Variants in RAB11FIP3 observed in about 807,000 individuals in gnomAD.
RAB11FIP3 encodes rab11 family-interacting protein 3.
RAB11FIP3 carries 17 observed loss-of-function variants against 77.8 expected under a neutral mutation model. The ratio of observed to expected loss-of-function variants is 0.22; its 90% CI spans 0.15 to 0.33. The LOEUF is 0.33. RAB11FIP3 is among the 10% of genes least tolerant of loss of function. The probability of loss-of-function intolerance (pLI) is 1.00; values close to 1 mark genes in which losing one functional copy is unlikely to be tolerated. For missense variants in RAB11FIP3, 1,005 were observed against 1,011.2 expected (o/e 0.99, Z 0.08); for synonymous variants, 437 against 448.2 (o/e 0.98, Z 0.31).
At position 499,330 on chromosome 16, in the gene RAB11FIP3, C is replaced by G. The variant is rs183406042; in HGVS notation, c.1301+2471C>G. Among the ~76,000 whole-genome samples, 125 of 152,336 alleles carry G rather than the reference C, an allele frequency of 8.2e-4. 2 individuals carry two copies. Among genetic ancestry groups the G allele is most frequent in the African/African-American group, 2.7e-3 (114 of 41,580 alleles). On this transcript the variant is annotated intron_variant, in intron 6 of 13. Transcript: ENST00000262305. The stretch of plus-strand genomic sequence containing the variant: ...TCCCCGCTTCATCAAGTCTTTTACT[C>G]CAGACAGGCTGCAGCTGGTGACATG...
Position 472,139 on chromosome 16 carries a change from C to T in RAB11FIP3, c.903+750C>T, listed in dbSNP as rs187085887. ...GTCAGTCCTCTGAGCCCTGACTCCTCGAAAGCTGAGGCTGGCACAGGGTAG... is the reference window on the plus strand; with the variant it reads ...GTCAGTCCTCTGAGCCCTGACTCCTTGAAAGCTGAGGCTGGCACAGGGTAG... On this transcript the variant is annotated intron_variant, in intron 3 of 13. Transcript: ENST00000262305. The surrounding 1 kb of genome is among the most constrained non-coding windows in gnomAD (Gnocchi z 4.1). 1.4e-3 allele frequency among the ~76,000 whole-genome samples: 218 copies of T among 152,306 alleles called. No individual in the cohort carries two copies. Among genetic ancestry groups the T allele is most frequent in the African/African-American group, 4.8e-3 (200 of 41,570 alleles).
intron 7 of RAB11FIP3, among the ~76,000 whole-genome samples, chr16:503,608 G>A (rs563584226): frequency 1.0e-3 from 157 of 152,202 alleles, no homozygotes; most frequent in African/African-American, 3.5e-3. Context: ...AGCCAGATGT[G>A]GTGGCTCACG....
chr16:490,579 C>T (rs2030087690), intron 5 of RAB11FIP3, among the ~76,000 whole-genome samples: 1 of 152,194 alleles, frequency 6.6e-6, no homozygotes, highest in Non-Finnish European at 1.5e-5. Context: ...TCAAGCGATC[C>T]ACCCAAAGTG....
At chr16:501,657 A>C (rs2031531397) in intron 6 of RAB11FIP3, among the ~76,000 whole-genome samples, 1 of 143,590 alleles carries the variant, frequency 7.0e-6, no homozygotes, top group Non-Finnish European at 1.5e-5. Context: ...TTTCACAGAC[A>C]AGTTCAGAGA....
intron 2 of RAB11FIP3, among the ~76,000 whole-genome samples, chr16:467,006 T>C (rs1019398722): frequency 7.2e-5 from 11 of 152,190 alleles, no homozygotes; most frequent in African/African-American, 2.2e-4. Flanking sequence ...TGGGGACACA[T>C]GGGGCAACGG....
At chr16:454,598 C>CA (rs1361291027) in intron 1 of RAB11FIP3, among the ~76,000 whole-genome samples, 1 of 151,744 alleles carries the variant, frequency 6.6e-6, no homozygotes, top group Admixed American at 6.6e-5. Context: ...AAGCAAAAAC[C>CA]AAAAAAACCC....
At chr16:498,015 A>G (rs1456207335) in intron 6 of RAB11FIP3, among the ~76,000 whole-genome samples, 1 of 151,618 alleles carries the variant, frequency 6.6e-6, no homozygotes, top group African/African-American at 2.4e-5. Context: ...TGCGTTGCCC[A>G]GGCTGTAGTG....
At chr16:434,212 C>T (rs746514804) in intron 1 of RAB11FIP3, among the ~76,000 whole-genome samples, 3 of 152,182 alleles carry the variant, frequency 2.0e-5, no homozygotes, top group Non-Finnish European at 2.9e-5. Context: ...ACCTTCGCCT[C>T]CTGGGTTCAA....
chr16:479,300 G>C (rs2055985399), intron 3 of RAB11FIP3, among the ~76,000 whole-genome samples: 1 of 152,052 alleles, frequency 6.6e-6, no homozygotes, highest in East Asian at 1.9e-4. Flanking sequence ...GCTGAGGTAG[G>C]AGGATTGCTT....
At chr16:456,686 G>A (rs2055509654) in intron 1 of RAB11FIP3, among the ~76,000 whole-genome samples, 1 of 152,142 alleles carries the variant, frequency 6.6e-6, no homozygotes, top group Non-Finnish European at 1.5e-5. Context: ...CAAACCAGAA[G>A]GCGGAGGTTG....
chr16:475,188 AG>A (rs1276148055), intron 3 of RAB11FIP3: 1 of 1,409,030 alleles, frequency 7.1e-7, no homozygotes, highest in African/African-American at 1.4e-5. Flanking sequence ...TGACGGGGAC[AG>A]TGTTGGCCCC....
intron 1 of RAB11FIP3, among the ~76,000 whole-genome samples, chr16:457,902 A>G (rs903784215): frequency 3.3e-5 from 5 of 152,156 alleles, no homozygotes; most frequent in African/African-American, 1.2e-4. Context: ...TGAGCTTAGG[A>G]ATGAGGACTT....
intron 3 of RAB11FIP3, among the ~76,000 whole-genome samples, chr16:479,516 A>T (rs1340733318): frequency 6.6e-6 from 1 of 151,990 alleles, no homozygotes; most frequent in Non-Finnish European, 1.5e-5. Flanking sequence ...ACAGAGTGAG[A>T]CCCTGATTCA....
chr16:457,669 C>G (rs1012198890), intron 1 of RAB11FIP3, among the ~76,000 whole-genome samples: 1 of 152,152 alleles, frequency 6.6e-6, no homozygotes, highest in Non-Finnish European at 1.5e-5. Context: ...TTGATTCACT[C>G]TTGTTCATTC....
chr16:431,328 C>A (rs914043748), intron 1 of RAB11FIP3, among the ~76,000 whole-genome samples: 1 of 151,886 alleles, frequency 6.6e-6, no homozygotes, highest in African/African-American at 2.4e-5. Flanking sequence ...ACCAATAATC[C>A]CACTATCCTG....
At chr16:469,637 G>A (rs959232345) in intron 2 of RAB11FIP3, among the ~76,000 whole-genome samples, 1 of 147,628 alleles carries the variant, frequency 6.8e-6, no homozygotes, top group Non-Finnish European at 1.5e-5. Context: ...TGATCCGCCC[G>A]CCTCGGCCTC....
Position 426,271 on chromosome 16 carries a change from G to A in RAB11FIP3, c.265G>A (p.Ala89Thr). The A allele has an allele frequency of 2.5e-6, 3 of 1,202,040 alleles. No individual in the cohort carries two copies. The highest frequency in any genetic ancestry group is 4.5e-5 in the Admixed American group (1 of 22,206). 74.5% of individuals were successfully genotyped at this position (1,202,040 alleles called of 1,614,324 possible). The change falls in exon 1 of 14, where the codon GCC becomes ACC. Residue 89 changes from alanine to threonine, a missense_variant. This residue lies in a region of RAB11FIP3 where 466 missense variants were observed against 408.3 expected (regional missense o/e 1.14). Coordinates refer to ENST00000262305, the MANE Select transcript of RAB11FIP3 (RefSeq NM_014700.4). The surrounding 1 kb of genome is among the most constrained non-coding windows in gnomAD (Gnocchi z 5.0). ...EGGPRDPGPSAPPPRSGPRGQ... is the reference protein window; with the variant it reads ...EGGPRDPGPSTPPPRSGPRGQ... ...AGGCCCGCGAGACCCCGGGCCGTCC[G>A]CCCCGCCGCCGCGCTCCGGCCCGCG...
chr16:494,102 C>T (rs1334694147), intron 5 of RAB11FIP3, among the ~76,000 whole-genome samples: 1 of 32,688 alleles, frequency 3.1e-5, no homozygotes, highest in African/African-American at 2.5e-4. Flanking sequence ...CAGGGTTTCA[C>T]CATGTCTCAA....
At chr16:496,237 G>A (rs1357987811) in intron 5 of RAB11FIP3, among the ~76,000 whole-genome samples, 1 of 152,182 alleles carries the variant, frequency 6.6e-6, no homozygotes. Context: ...TACAACTTTG[G>A]ACCTCAGAAA....
Sources: allele counts gnomAD v4.1 joint callset (sites outside exome capture counted in the v4.1 genomes callset), GRCh38; gene constraint gnomAD v4.1.1; regional missense constraint gnomAD v4.1.1; non-coding constraint Gnocchi (gnomAD v3.1); transcripts MANE v1.5; gene names NCBI Gene and HGNC (gene_info 2026-07-23, HGNC 2026-07-21).